Variants in CCDC80 observed in about 807,000 individuals in gnomAD.
The protein encoded by CCDC80 is coiled-coil domain-containing protein 80.
Under a neutral mutation model 78.7 loss-of-function variants are expected in CCDC80, and 49 were observed. The ratio of observed to expected loss-of-function variants is 0.62; its 90% CI spans 0.50 to 0.79. CCDC80 has a LOEUF of 0.79. Ranked by LOEUF, CCDC80 falls within the 30% of genes least tolerant of loss-of-function variation. CCDC80 has a pLI of 0.00. For synonymous variants in CCDC80, 488 were observed against 447.0 expected, an observed-to-expected ratio of 1.09 and a Z score of -1.16; for missense variants, 1,205 against 1,198.6, an observed-to-expected ratio of 1.01 and a Z score of -0.08.
chr3:112,616,882 A>G (rs2107478752), intron 4 of CCDC80, 24 bp from the exon 5 acceptor site: 1 of 1,610,272 alleles, frequency 6.2e-7, no homozygotes, highest in African/African-American at 1.3e-5. Context: ...AACAGAATGC[A>G]TTTAATGTAC....
rs747208778 is a variant in CCDC80, at chr3:112,639,483, G to A, written c.423C>T (p.Ile141=). The A allele has an allele frequency of 1.2e-6, 2 of 1,614,204 alleles. No homozygotes were observed. Among genetic ancestry groups the A allele is most frequent in the Admixed American group, 1.7e-5 (1 of 60,024 alleles). Residue 141 remains isoleucine, a synonymous_variant, in exon 2 of 8, where the codon ATC becomes ATT. Transcript: ENST00000206423. ...RFPSGSSSPN[I]LASFAGKNRV... is the part of the protein sequence containing the mutation. ...TGTTCTTCCCTGCAAAGCTGGCAAG[G>A]ATGTTGGGAGAGCTGGACCCCGAAG...
chr3:112,609,173 A>G (rs1935572923), intron 6 of CCDC80, among the ~76,000 whole-genome samples: 1 of 152,154 alleles, frequency 6.6e-6, no homozygotes, highest in African/African-American at 2.4e-5. Context: ...CATGACTTCT[A>G]CTTTTGAAAT....
At chr3:112,628,651 T>C (rs577641830) in intron 3 of CCDC80, among the ~76,000 whole-genome samples, 1 of 152,322 alleles carries the variant, frequency 6.6e-6, no homozygotes, top group African/African-American at 2.4e-5. Flanking sequence ...CCAGAATTCA[T>C]TTTGTGTCTT....
intron 5 of CCDC80, among the ~76,000 whole-genome samples, chr3:112,615,770 G>A (rs551632260): frequency 1.3e-5 from 2 of 152,144 alleles, no homozygotes; most frequent in East Asian, 3.9e-4. Context: ...ACCTCTGGTC[G>A]TCCTCACTGC....
rs780249318 is a variant in CCDC80 at position 112,605,746 on chromosome 3, G to A, written c.2524C>T (p.Arg842Ter). The part of the protein sequence containing the change: ...FPINGSSVVE[R>*]EDVPAHLVKD... ...ACCAAATGGGCTGGTACGTCTTCTC[G>A]CTCAACAACAGAGCTCCCTAGAATA... The change falls in exon 8 of 8, where the codon CGA becomes TGA. Residue 842 changes from arginine to a stop codon, truncating the protein, a stop_gained. Coordinates refer to ENST00000206423, the MANE Select transcript of CCDC80 (RefSeq NM_199511.3). LOFTEE classifies it high-confidence loss of function. The A allele has an allele frequency of 3.1e-6, 5 of 1,613,586 alleles. No homozygotes were observed. The highest frequency in any genetic ancestry group is 1.7e-5 in the Admixed American group (1 of 60,012).
intron 2 of CCDC80, among the ~76,000 whole-genome samples, chr3:112,633,096 T>G (rs1054054776): frequency 1.3e-5 from 2 of 152,218 alleles, no homozygotes; most frequent in Non-Finnish European, 2.9e-5. Flanking sequence ...ATGAATCAAC[T>G]TTCCTGCCAA....
In CCDC80 at chr3:112,639,465, C is replaced by A; in HGVS notation, c.441G>T (p.Gly147=). The part of the protein sequence containing the change: ...SSPNILASFA[G]KNRVWVISAP... ...CTGAGATGACCCATACTCTGTTCTT[C>A]CCTGCAAAGCTGGCAAGGATGTTGG... Residue 147 remains glycine (G), a synonymous_variant, in exon 2 of 8, where the codon GGG becomes GGT. Transcript: ENST00000206423. The A allele has an allele frequency of 6.2e-7, 1 of 1,614,208 alleles. No individual in the cohort carries two copies. Among genetic ancestry groups the A allele is most frequent in the Non-Finnish European group, 8.5e-7 (1 of 1,180,048 alleles).
intron 5 of CCDC80, among the ~76,000 whole-genome samples, chr3:112,610,920 T>TTC (rs1935611918): frequency 1.4e-5 from 2 of 145,968 alleles, no homozygotes; most frequent in African/African-American, 5.1e-5. Context: ...TCTTTCTTTT[T>TTC]TTTTTTTTTT....
Position 112,603,690 on chromosome 3 carries a change from G to A in CCDC80, c.*1727C>T, listed in dbSNP as rs767754615. On this transcript the variant is annotated 3_prime_UTR_variant, in exon 8 of 8. Coordinates refer to ENST00000206423, the MANE Select transcript of CCDC80 (RefSeq NM_199511.3). ...GATATACAAGGAGATTAATATTTTC[G>A]TGCCTGCTAACACAATACCTATTGT... 3.3e-5 allele frequency: 5 copies of A among 151,380 alleles called. No homozygotes were observed. Among genetic ancestry groups the A allele is most frequent in the South Asian group, 2.1e-4 (1 of 4,814 alleles). The allele number at this position is 151,380 out of a possible 1,614,324, so 9.4% of individuals were successfully genotyped here.
chr3:112,630,034 C>G, intron 3 of CCDC80, 79 bp downstream of exon 3: 2 of 1,347,924 alleles, frequency 1.5e-6, no homozygotes, highest in Non-Finnish European at 2.1e-6. Flanking sequence ...TTTTGGATCC[C>G]CCATGTACCT....
chr3:112,606,784 T>G (rs1031931817), intron 7 of CCDC80, among the ~76,000 whole-genome samples: 4 of 59,650 alleles, frequency 6.7e-5, no homozygotes, highest in Non-Finnish European at 1.9e-4. Context: ...GTGTATGTCC[T>G]TATCTGTTGA....
rs1224096401 is a variant in CCDC80, at chr3:112,605,456, G to T, written c.2814C>A (p.Tyr938Ter). Residue 938 changes from tyrosine (Y) to a stop codon, truncating the protein, a stop_gained, in exon 8 of 8, where the codon TAC becomes TAA. Coordinates refer to ENST00000206423, the MANE Select transcript of CCDC80 (RefSeq NM_199511.3). LOFTEE classifies it high-confidence loss of function. Reference protein sequence around the residue: ...QGYQDGYQDDYRHHESYHHGY... With the variant: ...QGYQDGYQDD ...CATGGTGATAACTCTCATGATGACGGTAGTCATCCTGGTAACCATCCTGGT... is the reference window on the plus strand; with the variant it reads ...CATGGTGATAACTCTCATGATGACGTTAGTCATCCTGGTAACCATCCTGGT... 1.2e-6 allele frequency: 2 copies of T among 1,613,748 alleles called. No homozygotes were observed. The highest frequency in any genetic ancestry group is 8.5e-7 in the Non-Finnish European group (1 of 1,179,686).
rs969030797 is a variant in CCDC80, at chr3:112,640,434, T to C, written c.-119A>G. 4 of 158,172 alleles carry C rather than the reference T, an allele frequency of 2.5e-5. No homozygotes were observed. Among genetic ancestry groups the C allele is most frequent in the African/African-American group, 9.6e-5 (4 of 41,454 alleles). 9.8% of individuals were successfully genotyped at this position (158,172 alleles called of 1,614,324 possible). On this transcript the variant is annotated 5_prime_UTR_variant, in exon 1 of 8. Coordinates refer to ENST00000206423, the MANE Select transcript of CCDC80 (RefSeq NM_199511.3). Reference sequence around the variant, plus strand: ...ACTTTTCCTCCCAGCCCTCTCTCTCTTTACCGAGGGTGAGCAATACAAAAG... The same window carrying C: ...ACTTTTCCTCCCAGCCCTCTCTCTCCTTACCGAGGGTGAGCAATACAAAAG...
At chr3:112,622,699 A>C (rs1348204030) in intron 3 of CCDC80, among the ~76,000 whole-genome samples, 1 of 152,140 alleles carries the variant, frequency 6.6e-6, no homozygotes, top group East Asian at 1.9e-4. Flanking sequence ...TCTGTCACCC[A>C]GGCAGGAGTG....
At position 112,639,484 on chromosome 3, in the gene CCDC80, A is replaced by G. The variant is rs1576798569; in HGVS notation, c.422T>C (p.Ile141Thr). The G allele has an allele frequency of 6.2e-7, 1 of 1,614,128 alleles. No individual in the cohort carries two copies. The highest frequency in any genetic ancestry group is 1.1e-5 in the South Asian group (1 of 91,074). Residue 141 changes from isoleucine (I) to threonine (T), a missense_variant, in exon 2 of 8, where the codon ATC (isoleucine) becomes ACC (threonine). Physicochemically the swap from Ile to Thr is moderately conservative, Grantham distance 89 (BLOSUM62 -1). Transcript: ENST00000206423. ...GTTCTTCCCTGCAAAGCTGGCAAGG[A>G]TGTTGGGAGAGCTGGACCCCGAAGG... Reference protein sequence around the residue: ...RFPSGSSSPNILASFAGKNRV... With the variant: ...RFPSGSSSPNTLASFAGKNRV...
chr3:112,630,185 T>C lies in CCDC80; in HGVS notation c.1963A>G (p.Arg655Gly). The change falls in exon 3 of 8, where the codon AGG becomes GGG. Residue 655 changes from arginine (R) to glycine (G), a missense_variant. Transcript: ENST00000206423. The stretch of plus-strand genomic sequence containing the variant: ...AAGATGGTGATCACAGAGATTTTCC[T>C]GGTAGCCATCTTGCAGAAACTTTCC... ...YLESFCKMAT[R>G]KISVITIFGP... 1 of 1,614,002 alleles carries C rather than the reference T, an allele frequency of 6.2e-7. No homozygotes were observed.
rs1936271668 is a variant in CCDC80 at position 112,638,848 on chromosome 3, A to T, written c.1058T>A (p.Leu353His). The T allele has an allele frequency of 1.9e-6, 3 of 1,612,960 alleles. No homozygotes were observed. The highest frequency in any genetic ancestry group is 1.3e-5 in the African/African-American group (1 of 74,812). The change falls in exon 2 of 8, where the codon CTT (leucine) becomes CAT (histidine). Residue 353 changes from leucine (L) to histidine (H), a missense_variant. Transcript: ENST00000206423. The part of the protein sequence containing the change: ...QPPSTPRATT[L>H]PPAPATTVTR... Reference sequence around the variant, plus strand: ...CACTGTTGTGGCTGGGGCAGGAGGAAGGGTGGTGGCTCTGGGGGTTGAGGG... The same window carrying T: ...CACTGTTGTGGCTGGGGCAGGAGGATGGGTGGTGGCTCTGGGGGTTGAGGG...
Position 112,603,533 on chromosome 3 carries a change from T to TA in CCDC80, c.*1883dup, listed in dbSNP as rs1935412448. ...CCATCTCGAAAAAAATATATATATATATAATATATATTATATATTTTATAT... is the reference window on the plus strand; with the variant it reads ...CCATCTCGAAAAAAATATATATATATAATAATATATATTATATATTTTATAT... On this transcript the variant is annotated 3_prime_UTR_variant, in exon 8 of 8. Transcript: ENST00000206423. The TA allele has an allele frequency of 6.8e-6, 1 of 146,272 alleles. No individual in the cohort carries two copies. The highest frequency in any genetic ancestry group is 6.9e-5 in the Admixed American group (1 of 14,522). 9.1% of individuals were successfully genotyped at this position (146,272 alleles called of 1,614,324 possible).
At chr3:112,622,283 A>C (rs969418336) in intron 3 of CCDC80, among the ~76,000 whole-genome samples, 1 of 152,234 alleles carries the variant, frequency 6.6e-6, no homozygotes, top group Admixed American at 6.5e-5. Context: ...TAGAAATAAA[A>C]CATTTTGCAC....
Sources: gnomAD v4.1 joint callset for allele counts (sites outside exome capture counted in the v4.1 genomes callset) on GRCh38, gnomAD v4.1.1 for gene constraint, MANE v1.5 for transcripts, NCBI Gene and HGNC (gene_info 2026-07-23, HGNC 2026-07-21) for gene names.